The following SCHIP1 variants were observed in gnomAD, a reference collection of about 807,000 sequenced individuals.
The protein encoded by SCHIP1 is schwannomin-interacting protein 1.
In SCHIP1, 8 loss-of-function variants were observed where a neutral mutation model predicts 29.7. That is an observed-to-expected ratio of 0.27 (90% CI 0.16 to 0.49). The LOEUF is 0.49. SCHIP1 is among the 20% of genes least tolerant of loss of function. The pLI, the probability that SCHIP1 is intolerant of heterozygous loss-of-function variation, is 0.99. For missense variants in SCHIP1, 193 were observed against 294.6 expected (o/e 0.66, Z 2.52); for synonymous variants, 76 against 94.9 (o/e 0.80, Z 1.16).
the SCHIP1 span, among the ~76,000 whole-genome samples, chr3:159,357,597 T>C: frequency 6.6e-6 from 1 of 152,186 alleles, no homozygotes; most frequent in Non-Finnish European, 1.5e-5. Context: ...TGAATTCTGA[T>C]AGGGGATTTT....
At chr3:159,507,173 G>A in the SCHIP1 span, among the ~76,000 whole-genome samples, 1 of 152,080 alleles carries the variant, frequency 6.6e-6, no homozygotes. Context: ...TCCTTGAAGA[G>A]GTCCTTCACA....
At chr3:159,327,616 T>G in the SCHIP1 span, among the ~76,000 whole-genome samples, 1 of 152,164 alleles carries the variant, frequency 6.6e-6, no homozygotes, top group Non-Finnish European at 1.5e-5. Context: ...TTTCCTGTCA[T>G]TTGCTAGCAA....
chr3:159,890,825 C>T (rs1037863310), intron 5 of SCHIP1, among the ~76,000 whole-genome samples: 2 of 151,880 alleles, frequency 1.3e-5, no homozygotes, highest in Non-Finnish European at 2.9e-5. Context: ...GACCTAAAGG[C>T]AGATAAATGC....
the SCHIP1 span, among the ~76,000 whole-genome samples, chr3:159,737,194 G>A: frequency 6.6e-6 from 1 of 152,120 alleles, no homozygotes; most frequent in Admixed American, 6.5e-5. Flanking sequence ...TTAATCATCA[G>A]GTGAGTAGAC....
At chr3:159,481,155 G>A in the SCHIP1 span, among the ~76,000 whole-genome samples, 6 of 152,252 alleles carry the variant, frequency 3.9e-5, no homozygotes, top group South Asian at 1.0e-3. Flanking sequence ...GGCCTCAGAG[G>A]CCTGACACTG....
the SCHIP1 span, among the ~76,000 whole-genome samples, chr3:159,615,382 T>C: frequency 6.6e-6 from 1 of 152,246 alleles, no homozygotes; most frequent in South Asian, 2.1e-4. Flanking sequence ...TTATGAATTA[T>C]CACTCTGGTT....
the SCHIP1 span, among the ~76,000 whole-genome samples, chr3:159,657,669 G>A: frequency 1.3e-5 from 2 of 152,220 alleles, no homozygotes; most frequent in African/African-American, 2.4e-5. Context: ...GTTTAACAGT[G>A]GGGATTAAAA....
At chr3:159,334,142 G>T in the SCHIP1 span, among the ~76,000 whole-genome samples, 1 of 152,058 alleles carries the variant, frequency 6.6e-6, no homozygotes, top group Admixed American at 6.6e-5. Context: ...TGTCATTAAA[G>T]AATCATCTTT....
At chr3:159,781,974 G>A in the SCHIP1 span, among the ~76,000 whole-genome samples, 1 of 152,216 alleles carries the variant, frequency 6.6e-6, no homozygotes. Context: ...TTTATATGTA[G>A]AATAGGACTG....
chr3:159,658,532 C>A, the SCHIP1 span, among the ~76,000 whole-genome samples: 1 of 152,172 alleles, frequency 6.6e-6, no homozygotes, highest in Non-Finnish European at 1.5e-5. Context: ...AATGCCCCTG[C>A]TGGATCCTTC....
the SCHIP1 span, among the ~76,000 whole-genome samples, chr3:159,419,225 C>A: frequency 2.5e-4 from 38 of 152,314 alleles, no homozygotes; most frequent in African/African-American, 8.4e-4. Flanking sequence ...AATCTCTCTG[C>A]ACTTTGTTTC....
chr3:159,691,416 C>CTTT, the SCHIP1 span, among the ~76,000 whole-genome samples: 7 of 106,694 alleles, frequency 6.6e-5, no homozygotes, highest in South Asian at 3.2e-4. Context: ...GCAACCCCTG[C>CTTT]TTTTTTTTTT....
chr3:159,733,083 G>C, the SCHIP1 span, among the ~76,000 whole-genome samples: 3 of 151,938 alleles, frequency 2.0e-5, no homozygotes, highest in Non-Finnish European at 4.4e-5. Flanking sequence ...GCAGAGAAGA[G>C]AGATTTTCTA....
the SCHIP1 span, among the ~76,000 whole-genome samples, chr3:159,831,402 G>C: frequency 6.6e-6 from 1 of 152,216 alleles, no homozygotes; most frequent in East Asian, 1.9e-4. Context: ...GCCTGCCAGG[G>C]ATACTTTCCA....
chr3:159,440,200 T>C, the SCHIP1 span, among the ~76,000 whole-genome samples: 2 of 152,296 alleles, frequency 1.3e-5, no homozygotes, highest in South Asian at 4.1e-4. Context: ...TTGTCAAAGA[T>C]CAGATTGTTC....
chr3:159,690,323 G>A, the SCHIP1 span, among the ~76,000 whole-genome samples: 1 of 152,076 alleles, frequency 6.6e-6, no homozygotes, highest in Non-Finnish European at 1.5e-5. Flanking sequence ...TTTAGTCTTG[G>A]GAGAGCTTAT....
At chr3:159,517,668 G>A in the SCHIP1 span, among the ~76,000 whole-genome samples, 1 of 151,826 alleles carries the variant, frequency 6.6e-6, no homozygotes, top group East Asian at 1.9e-4. Flanking sequence ...TAAAATCTGT[G>A]TGTATGTGTG....
At chr3:159,798,288 T>C in the SCHIP1 span, among the ~76,000 whole-genome samples, 3 of 152,230 alleles carry the variant, frequency 2.0e-5, no homozygotes, top group African/African-American at 7.2e-5. Flanking sequence ...AGCAAATTAC[T>C]TGACATCTCT....
At chr3:159,859,893 T>C (rs1713831140) in intron 1 of SCHIP1, among the ~76,000 whole-genome samples, 1 of 152,218 alleles carries the variant, frequency 6.6e-6, no homozygotes, top group Non-Finnish European at 1.5e-5. Context: ...AAAAATAGAC[T>C]GTGTACTTAC....
Sources: gnomAD v4.1 joint callset for allele counts (sites outside exome capture counted in the v4.1 genomes callset) on GRCh38, gnomAD v4.1.1 for gene constraint, MANE v1.5 for transcripts, NCBI Gene and HGNC (gene_info 2026-07-23, HGNC 2026-07-21) for gene names.